MSRA: variants seen among roughly 807,000 people sequenced by gnomAD.
The protein encoded by MSRA is mitochondrial peptide methionine sulfoxide reductase.
MSRA carries 54 observed loss-of-function variants against 31.3 expected under a neutral mutation model. The observed-to-expected ratio is 1.73, with a 90% CI of 1.39 to 2.17. The LOEUF (loss-of-function observed/expected upper bound fraction) is 2.17. Among genes scored for constraint, MSRA ranks in the 30% most tolerant of loss-of-function variants. MSRA has a pLI of 0.00. For missense variants in MSRA, 507 were observed against 300.9 expected (o/e 1.69, Z -5.07); for synonymous variants, 169 against 116.5 (o/e 1.45, Z -2.90).
intron 5 of MSRA, among the ~76,000 whole-genome samples, chr8:10,325,381 T>C (rs918882635): frequency 2.0e-5 from 3 of 152,124 alleles, no homozygotes; most frequent in Admixed American, 2.0e-4. Flanking sequence ...ATAGTAATAC[T>C]GTTAGAACAG....
At chr8:10,402,902 A>C (rs1262720084) in intron 5 of MSRA, among the ~76,000 whole-genome samples, 1 of 152,190 alleles carries the variant, frequency 6.6e-6, no homozygotes, top group African/African-American at 2.4e-5. Context: ...TTCTCCTGCT[A>C]TTTGGAGGCA....
intron 1 of MSRA, among the ~76,000 whole-genome samples, chr8:10,060,187 A>G (rs1802630561): frequency 6.6e-6 from 1 of 152,242 alleles, no homozygotes; most frequent in African/African-American, 2.4e-5. Context: ...TTTGTTTGCA[A>G]TAGCACAAGA....
chr8:10,339,092 A>G (rs1363545063), intron 5 of MSRA, among the ~76,000 whole-genome samples: 1 of 152,312 alleles, frequency 6.6e-6, no homozygotes, highest in South Asian at 2.1e-4. Context: ...CCTTGACTGC[A>G]GAGATAAGTT....
At chr8:10,356,256 C>G (rs753047844) in intron 5 of MSRA, among the ~76,000 whole-genome samples, 2 of 152,166 alleles carry the variant, frequency 1.3e-5, no homozygotes, top group African/African-American at 2.4e-5. Flanking sequence ...ACAGGAAAGG[C>G]AGACCTTGAA....
At chr8:10,255,171 A>G (rs1482472081) in intron 3 of MSRA, among the ~76,000 whole-genome samples, 1 of 152,228 alleles carries the variant, frequency 6.6e-6, no homozygotes, top group Non-Finnish European at 1.5e-5. Context: ...GGGCCAAGTT[A>G]ACTTTGGGCT....
intron 3 of MSRA, among the ~76,000 whole-genome samples, chr8:10,267,616 G>T (rs567961353): frequency 1.3e-4 from 20 of 152,210 alleles, no homozygotes; most frequent in Middle Eastern, 3.4e-3. Flanking sequence ...GCCCAGAAGT[G>T]TGCTTGCTTT....
At chr8:10,270,192 A>C (rs573392496) in intron 3 of MSRA, among the ~76,000 whole-genome samples, 2 of 152,214 alleles carry the variant, frequency 1.3e-5, no homozygotes, top group Non-Finnish European at 2.9e-5. Context: ...TGTGTTTTAT[A>C]TATCTGTCTT....
intron 2 of MSRA, among the ~76,000 whole-genome samples, chr8:10,240,560 CCACCTATGTCT>C (rs1812320957): frequency 6.6e-6 from 1 of 152,142 alleles, no homozygotes; most frequent in South Asian, 2.1e-4. Context: ...TCCCACATGT[CCACCTATGTCT>C]CTCTACCCCA....
intron 1 of MSRA, among the ~76,000 whole-genome samples, chr8:10,170,900 C>G (rs151089484): frequency 7.7e-4 from 118 of 152,324 alleles, no homozygotes; most frequent in African/African-American, 2.7e-3. Context: ...TCTTCCTTTG[C>G]TATCTCAATG....
intron 3 of MSRA, among the ~76,000 whole-genome samples, chr8:10,275,168 A>T (rs1370108732): frequency 6.6e-6 from 1 of 152,196 alleles, no homozygotes; most frequent in Admixed American, 6.5e-5. Flanking sequence ...AGATAAGAGT[A>T]ATGTGAGCAA....
At chr8:10,404,539 C>T (rs575417562) in intron 5 of MSRA, among the ~76,000 whole-genome samples, 1 of 152,230 alleles carries the variant, frequency 6.6e-6, no homozygotes, top group Non-Finnish European at 1.5e-5. Context: ...CCCGGGCGGC[C>T]GCTCCCTCCC....
chr8:10,121,078 G>A (rs958430155), intron 1 of MSRA, among the ~76,000 whole-genome samples: 1 of 152,190 alleles, frequency 6.6e-6, no homozygotes. Context: ...AATGCCATTT[G>A]AAATGGGTAC....
chr8:10,204,681 T>G (rs1005771377), intron 1 of MSRA, among the ~76,000 whole-genome samples: 19 of 152,236 alleles, frequency 1.2e-4, no homozygotes, highest in African/African-American at 4.6e-4. Context: ...TAGATTTCCC[T>G]GAATATATCC....
At chr8:10,252,973 G>A (rs1449993238) in intron 3 of MSRA, among the ~76,000 whole-genome samples, 1 of 152,162 alleles carries the variant, frequency 6.6e-6, no homozygotes, top group Admixed American at 6.5e-5. Flanking sequence ...TATGCTGATA[G>A]GTAGTTCAAA....
chr8:10,421,582 G>C (rs1475326517), intron 5 of MSRA, among the ~76,000 whole-genome samples: 2 of 152,094 alleles, frequency 1.3e-5, no homozygotes, highest in Non-Finnish European at 2.9e-5. Flanking sequence ...AAGCTTGTTA[G>C]CAGGCTGCAG....
intron 1 of MSRA, among the ~76,000 whole-genome samples, chr8:10,096,787 T>C (rs1196410497): frequency 6.6e-6 from 1 of 152,188 alleles, no homozygotes; most frequent in African/African-American, 2.4e-5. Context: ...ATCAGCATTA[T>C]TGTAGGAGAG....
At chr8:10,353,048 AG>A (rs1285332719) in intron 5 of MSRA, among the ~76,000 whole-genome samples, 2 of 152,030 alleles carry the variant, frequency 1.3e-5, no homozygotes, top group Admixed American at 1.3e-4. Flanking sequence ...TCGTTTGGGT[AG>A]GGGGAGAGGT....
chr8:10,418,527 A>G (rs915278672), intron 5 of MSRA, among the ~76,000 whole-genome samples: 3 of 152,156 alleles, frequency 2.0e-5, no homozygotes, highest in Non-Finnish European at 1.5e-5. Context: ...CCAGAGGGTC[A>G]TAGGATCCTT....
At chr8:10,064,465 C>G (rs111902895) in intron 1 of MSRA, among the ~76,000 whole-genome samples, 37 of 152,156 alleles carry the variant, frequency 2.4e-4, no homozygotes, top group African/African-American at 7.0e-4. Flanking sequence ...TCCTAATCCA[C>G]TAACTTGTTG....
Sources: allele counts gnomAD v4.1 joint callset (sites outside exome capture counted in the v4.1 genomes callset), GRCh38; gene constraint gnomAD v4.1.1; transcripts MANE v1.5; gene names NCBI Gene and HGNC (gene_info 2026-07-23, HGNC 2026-07-21).